HS3ST4: variants seen among roughly 807,000 people sequenced by gnomAD.
HS3ST4 encodes the protein heparan sulfate glucosamine 3-O-sulfotransferase 4.
A neutral mutation model predicts 29.2 loss-of-function variants in HS3ST4; 17 were observed. That is an observed-to-expected ratio of 0.58 (90% confidence interval 0.40 to 0.87). The LOEUF (loss-of-function observed/expected upper bound fraction) is 0.87, where lower values mean the gene tolerates loss of function less well. Ranked by LOEUF, HS3ST4 falls within the 40% of genes least tolerant of loss-of-function variation. The probability of loss-of-function intolerance (pLI) is 0.00; values close to 1 mark genes in which losing one functional copy is unlikely to be tolerated. For synonymous variants in HS3ST4, 314 were observed against 285.7 expected (o/e 1.10, Z -1.00); for missense variants, 627 against 634.5 (o/e 0.99, Z 0.13).
intron 1 of HS3ST4, among the ~76,000 whole-genome samples, chr16:25,972,882 C>T (rs1406687003): frequency 6.6e-6 from 1 of 152,174 alleles, no homozygotes; most frequent in Non-Finnish European, 1.5e-5. Flanking sequence ...ACATAGTTTG[C>T]ACTCAATAAC....
At chr16:25,744,144 C>T (rs917134702) in intron 1 of HS3ST4, among the ~76,000 whole-genome samples, 5 of 152,306 alleles carry the variant, frequency 3.3e-5, no homozygotes, top group African/African-American at 9.6e-5. Context: ...TGTTCCTTAT[C>T]GTCTACCTTT....
intron 1 of HS3ST4, among the ~76,000 whole-genome samples, chr16:26,057,049 A>G (rs1029914496): frequency 1.3e-5 from 2 of 152,190 alleles, no homozygotes; most frequent in Non-Finnish European, 2.9e-5. Context: ...CTGAGTGTCA[A>G]CATGATGCTC....
At chr16:26,062,237 CACT>C (rs1287794737) in intron 1 of HS3ST4, among the ~76,000 whole-genome samples, 1 of 152,218 alleles carries the variant, frequency 6.6e-6, no homozygotes, top group Non-Finnish European at 1.5e-5. Flanking sequence ...GAGAAAGACA[CACT>C]GGAGTCAGAC....
intron 1 of HS3ST4, among the ~76,000 whole-genome samples, chr16:25,744,002 G>T (rs1225078625): frequency 1.3e-5 from 2 of 152,044 alleles, no homozygotes; most frequent in African/African-American, 4.8e-5. Context: ...ATTTTTCAAG[G>T]CCTTTGATTA....
intron 1 of HS3ST4, among the ~76,000 whole-genome samples, chr16:26,007,269 C>T (rs1044494676): frequency 2.6e-5 from 4 of 152,192 alleles, no homozygotes; most frequent in Non-Finnish European, 5.9e-5. Context: ...AGTTGGCTTT[C>T]TCCATCTACC....
intron 1 of HS3ST4, among the ~76,000 whole-genome samples, chr16:25,776,765 C>T (rs577797699): frequency 6.6e-5 from 10 of 152,190 alleles, no homozygotes; most frequent in Non-Finnish European, 1.3e-4. Flanking sequence ...GAATGTTCTT[C>T]AGTTCTTTCC....
chr16:25,709,223 G>A (rs1966399353), intron 1 of HS3ST4, among the ~76,000 whole-genome samples: 1 of 152,050 alleles, frequency 6.6e-6, no homozygotes, highest in Admixed American at 6.6e-5. Context: ...GTGCTAGCCT[G>A]ATTCTCTTTC....
intron 1 of HS3ST4, among the ~76,000 whole-genome samples, chr16:26,068,495 C>T (rs1898566211): frequency 6.6e-6 from 1 of 152,070 alleles, no homozygotes; most frequent in African/African-American, 2.4e-5. Context: ...TTTACATAAC[C>T]AGTCAGAGTG....
intron 1 of HS3ST4, among the ~76,000 whole-genome samples, chr16:25,937,055 A>G (rs1389156124): frequency 6.6e-6 from 1 of 152,168 alleles, no homozygotes; most frequent in African/African-American, 2.4e-5. Flanking sequence ...ACTGGCTCAG[A>G]TAGTCAGGAC....
chr16:26,104,859 G>GCAGT (rs1899031656), intron 1 of HS3ST4, among the ~76,000 whole-genome samples: 1 of 151,684 alleles, frequency 6.6e-6, no homozygotes, highest in Admixed American at 6.6e-5. Flanking sequence ...TTGGACTGGA[G>GCAGT]CAGTCCTTGG....
chr16:26,129,988 C>G (rs987947204), intron 1 of HS3ST4, among the ~76,000 whole-genome samples: 9 of 152,170 alleles, frequency 5.9e-5, no homozygotes, highest in Non-Finnish European at 1.2e-4. Context: ...GAGCCATCAT[C>G]GCACCACTGC....
intron 1 of HS3ST4, among the ~76,000 whole-genome samples, chr16:25,762,876 C>CAAAAAAAAAAAAAAAA (rs67260535): frequency 9.9e-5 from 6 of 60,480 alleles, no homozygotes; most frequent in Non-Finnish European, 1.5e-4. Flanking sequence ...GACCCTGTCT[C>CAAAAAAAAAAAAAAAA]AAAAAAAAAA....
At chr16:25,793,936 C>A (rs557490676) in intron 1 of HS3ST4, among the ~76,000 whole-genome samples, 3 of 151,904 alleles carry the variant, frequency 2.0e-5, no homozygotes, top group African/African-American at 7.2e-5. Context: ...TCCTGTATCA[C>A]ATTTTCTAGG....
intron 1 of HS3ST4, among the ~76,000 whole-genome samples, chr16:25,899,183 T>A (rs1167230843): frequency 6.6e-6 from 1 of 152,252 alleles, no homozygotes; most frequent in Non-Finnish European, 1.5e-5. Flanking sequence ...TTATTTCAGA[T>A]GTTACTCCAG....
chr16:25,923,624 ATG>A (rs147702409), intron 1 of HS3ST4, among the ~76,000 whole-genome samples: 1 of 151,758 alleles, frequency 6.6e-6, no homozygotes, highest in Non-Finnish European at 1.5e-5. Context: ...ATTAAAATAT[ATG>A]TGTGTGTGTG....
At chr16:26,119,663 T>C (rs1300220847) in intron 1 of HS3ST4, among the ~76,000 whole-genome samples, 1 of 152,178 alleles carries the variant, frequency 6.6e-6, no homozygotes, top group African/African-American at 2.4e-5. Context: ...TCACCCACCT[T>C]TTTATTCTCC....
intron 1 of HS3ST4, among the ~76,000 whole-genome samples, chr16:25,739,046 T>G (rs936041837): frequency 2.6e-5 from 4 of 152,014 alleles, no homozygotes; most frequent in Non-Finnish European, 4.4e-5. Flanking sequence ...TTGCACTTTA[T>G]AAATACTTGT....
At chr16:26,024,218 G>A (rs536872723) in intron 1 of HS3ST4, among the ~76,000 whole-genome samples, 80 of 129,482 alleles carry the variant, frequency 6.2e-4, no homozygotes, top group African/African-American at 1.8e-3. Flanking sequence ...GAGAGACTCC[G>A]TCTCAAAAGG....
chr16:25,965,234 C>T (rs983754311), intron 1 of HS3ST4, among the ~76,000 whole-genome samples: 2 of 151,852 alleles, frequency 1.3e-5, no homozygotes, highest in African/African-American at 4.8e-5. Flanking sequence ...TTGGCCTCAG[C>T]ATTCGGGATC....
Sources: gnomAD v4.1 joint callset for allele counts (sites outside exome capture counted in the v4.1 genomes callset) on GRCh38, gnomAD v4.1.1 for gene constraint, MANE v1.5 for transcripts, NCBI Gene and HGNC (gene_info 2026-07-23, HGNC 2026-07-21) for gene names.